The following SLC30A8 variants were observed in gnomAD, a reference collection of about 807,000 sequenced individuals.
The protein encoded by SLC30A8 is solute carrier family 30 member 8.
Under a neutral mutation model 36.9 loss-of-function variants are expected in SLC30A8, and 27 were observed. The ratio of observed to expected loss-of-function variants is 0.73; its 90% CI spans 0.54 to 1.01. SLC30A8 has a LOEUF of 1.01. SLC30A8 is among the 50% of genes least tolerant of loss of function. The pLI is 0.00. For synonymous variants in SLC30A8, 164 were observed against 172.4 expected (o/e 0.95, Z 0.38); for missense variants, 439 against 452.0 (o/e 0.97, Z 0.26).
intron 4 of SLC30A8, among the ~76,000 whole-genome samples, chr8:117,160,325 C>T (rs1003575209): frequency 9.2e-5 from 14 of 152,008 alleles, no homozygotes; most frequent in African/African-American, 1.5e-4. Context: ...TCAGCTGCTA[C>T]GTCTTTCTAA....
intron 2 of SLC30A8, among the ~76,000 whole-genome samples, chr8:117,051,895 A>T (rs1817722307): frequency 6.6e-6 from 1 of 152,210 alleles, no homozygotes; most frequent in Non-Finnish European, 1.5e-5. Context: ...ACCATGTGAT[A>T]TGCTGGCTCC....
chr8:117,079,889 A>G (rs1818610756), intron 2 of SLC30A8, among the ~76,000 whole-genome samples: 1 of 152,216 alleles, frequency 6.6e-6, no homozygotes, highest in African/African-American at 2.4e-5. Context: ...ACTTGAATTG[A>G]AATTTCTGTT....
chr8:117,104,359 A>G (rs1442951298), intron 2 of SLC30A8, among the ~76,000 whole-genome samples: 2 of 152,086 alleles, frequency 1.3e-5, no homozygotes, highest in African/African-American at 4.8e-5. Flanking sequence ...TCTGCTCTCT[A>G]CCCAACAACA....
chr8:116,979,255 A>AG (rs1554620598), intron 1 of SLC30A8, among the ~76,000 whole-genome samples: 1 of 151,542 alleles, frequency 6.6e-6, no homozygotes, highest in African/African-American at 2.4e-5. Context: ...AAAAAAAAAA[A>AG]AAAAAAAAAG....
chr8:116,990,462 A>C (rs151078118), intron 1 of SLC30A8, among the ~76,000 whole-genome samples: 4 of 152,220 alleles, frequency 2.6e-5, no homozygotes, highest in Middle Eastern at 3.4e-3. Context: ...CCTAAAACTT[A>C]AAACTCTTAC....
At chr8:117,150,048 G>A (rs928159520) in intron 2 of SLC30A8, among the ~76,000 whole-genome samples, 1 of 152,154 alleles carries the variant, frequency 6.6e-6, no homozygotes, top group African/African-American at 2.4e-5. Flanking sequence ...ACTCCACACA[G>A]ACAGCAACCC....
intron 2 of SLC30A8, among the ~76,000 whole-genome samples, chr8:117,151,003 G>T (rs1822158609): frequency 6.6e-6 from 1 of 152,010 alleles, no homozygotes. Context: ...AAACCCTTTG[G>T]CTTGACATAT....
At chr8:117,000,589 T>C (rs1815978281) in intron 1 of SLC30A8, among the ~76,000 whole-genome samples, 1 of 152,196 alleles carries the variant, frequency 6.6e-6, no homozygotes, top group Non-Finnish European at 1.5e-5. Context: ...AGCATATTAA[T>C]CCAAATTATT....
intron 2 of SLC30A8, among the ~76,000 whole-genome samples, chr8:117,120,350 A>G (rs1039852028): frequency 6.6e-6 from 1 of 151,972 alleles, no homozygotes; most frequent in Non-Finnish European, 1.5e-5. Flanking sequence ...AAGGTTGCCA[A>G]AAATACATGA....
intron 1 of SLC30A8, among the ~76,000 whole-genome samples, chr8:117,038,792 A>T (rs1294732405): frequency 1.3e-5 from 2 of 152,376 alleles, no homozygotes; most frequent in Admixed American, 6.5e-5. Context: ...TGTATTCTTC[A>T]CAATTCCCCT....
chr8:117,065,582 C>A (rs1297501161), intron 2 of SLC30A8, among the ~76,000 whole-genome samples: 1 of 151,936 alleles, frequency 6.6e-6, no homozygotes, highest in Non-Finnish European at 1.5e-5. Flanking sequence ...ATCTGCTCTT[C>A]CCTAACCCTA....
intron 2 of SLC30A8, among the ~76,000 whole-genome samples, chr8:117,068,906 C>T (rs1462901394): frequency 1.3e-5 from 2 of 152,134 alleles, no homozygotes; most frequent in South Asian, 2.1e-4. Flanking sequence ...CTGAAGCCAA[C>T]AGCCTGGTCC....
At chr8:117,130,485 A>C (rs1821082759), upstream of SLC30A8, among the ~76,000 whole-genome samples, 1 of 152,024 alleles carries the variant, frequency 6.6e-6, no homozygotes, top group African/African-American at 2.4e-5. Flanking sequence ...CATGAAAATT[A>C]AATGGTGGCA....
intron 6 of SLC30A8, among the ~76,000 whole-genome samples, chr8:117,168,815 T>A (rs1823202023): frequency 6.6e-6 from 1 of 152,160 alleles, no homozygotes; most frequent in African/African-American, 2.4e-5. Flanking sequence ...TAACACTTTA[T>A]ACTCAGAGCA....
intron 1 of SLC30A8, among the ~76,000 whole-genome samples, chr8:116,999,279 A>T (rs1271196317): frequency 6.6e-6 from 1 of 152,168 alleles, no homozygotes; most frequent in African/African-American, 2.4e-5. Context: ...AAAAAGAAAA[A>T]GAAACTGACA....
At chr8:117,166,198 C>T (rs1823047468) in intron 6 of SLC30A8, among the ~76,000 whole-genome samples, 4 of 152,128 alleles carry the variant, frequency 2.6e-5, no homozygotes, top group Admixed American at 2.0e-4. Flanking sequence ...CATCTGATCA[C>T]TATGAATTAT....
intron 2 of SLC30A8, among the ~76,000 whole-genome samples, chr8:117,061,277 G>A (rs773836785): frequency 9.9e-5 from 15 of 152,156 alleles, no homozygotes; most frequent in Non-Finnish European, 1.8e-4. Flanking sequence ...CATGCATTTG[G>A]TGTATTAGGA....
At chr8:117,129,262 A>G (rs1486464980) in intron 2 of SLC30A8, among the ~76,000 whole-genome samples, 1 of 152,070 alleles carries the variant, frequency 6.6e-6, no homozygotes, top group East Asian at 1.9e-4. Context: ...AGGACTAGTC[A>G]GTGTACCTCA....
intron 2 of SLC30A8, among the ~76,000 whole-genome samples, chr8:117,115,387 A>G (rs1820403114): frequency 6.6e-6 from 1 of 151,954 alleles, no homozygotes; most frequent in Non-Finnish European, 1.5e-5. Context: ...TCAATCTTCT[A>G]ATTTTCTTTG....
Sources: allele counts gnomAD v4.1 joint callset (sites outside exome capture counted in the v4.1 genomes callset), GRCh38; gene constraint gnomAD v4.1.1; transcripts MANE v1.5; gene names NCBI Gene and HGNC (gene_info 2026-07-23, HGNC 2026-07-21).